CSMD1: variants seen among roughly 807,000 people sequenced by gnomAD.
CSMD1 encodes the protein CUB and Sushi multiple domains 1, also known as CUB and sushi domain-containing protein 1.
A neutral mutation model predicts 417.5 loss-of-function variants in CSMD1; 213 were observed. The observed-to-expected ratio is 0.51, with a 90% confidence interval of 0.46 to 0.57. The LOEUF (loss-of-function observed/expected upper bound fraction) is 0.57. Among genes scored for constraint, CSMD1 ranks in the 20% least tolerant of loss-of-function variants. The pLI, the probability that CSMD1 is intolerant of heterozygous loss-of-function variation, is 0.00. For missense variants in CSMD1, 6,923 were observed against 4,529.7 expected (o/e 1.53, Z -15.17); for synonymous variants, 2,862 against 1,736.8 (o/e 1.65, Z -16.11).
chr8:4,062,499 A>T (rs939254595), intron 3 of CSMD1, among the ~76,000 whole-genome samples: 1 of 152,188 alleles, frequency 6.6e-6, no homozygotes, highest in Middle Eastern at 3.2e-3. Flanking sequence ...AACAATAACC[A>T]TTCTAAGTGG....
At chr8:3,463,103 A>G (rs1467226628) in intron 12 of CSMD1, among the ~76,000 whole-genome samples, 1 of 152,166 alleles carries the variant, frequency 6.6e-6, no homozygotes, top group Non-Finnish European at 1.5e-5. Context: ...TGAGAGATAC[A>G]ATTCCATTGT....
At chr8:4,521,022 CCATCG>C (rs1803415974) in intron 2 of CSMD1, among the ~76,000 whole-genome samples, 1 of 152,104 alleles carries the variant, frequency 6.6e-6, no homozygotes, top group African/African-American at 2.4e-5. Flanking sequence ...GCTGTTTCAA[CCATCG>C]CATATAAAAT....
chr8:3,189,293 G>A (rs1179524433), intron 34 of CSMD1, among the ~76,000 whole-genome samples: 1 of 152,202 alleles, frequency 6.6e-6, no homozygotes, highest in Non-Finnish European at 1.5e-5. Flanking sequence ...CATCTCCAAA[G>A]TGAATTCTGT....
intron 1 of CSMD1, among the ~76,000 whole-genome samples, chr8:4,834,847 C>T (rs1306067854): frequency 3.5e-5 from 5 of 144,564 alleles, no homozygotes; most frequent in African/African-American, 5.1e-5. Context: ...ATCCCAGCTA[C>T]TTGGGAGGCT....
At chr8:3,728,312 T>C (rs899048516) in intron 6 of CSMD1, among the ~76,000 whole-genome samples, 1 of 152,106 alleles carries the variant, frequency 6.6e-6, no homozygotes, top group African/African-American at 2.4e-5. Context: ...TCTTCCACCA[T>C]GACTGTGAGG....
rs543970619 is a variant in CSMD1, at chr8:4,048,453, A to G, written c.416-16354T>C. 6.6e-5 allele frequency among the ~76,000 whole-genome samples: 10 copies of G among 152,328 alleles called. No homozygotes were observed. The East Asian group carries it at 1.9e-3, about 29-fold the overall frequency. ...TGAACTCTCCTATTTTCCCAACAAG[A>G]TTCTGCAGTAGCTACTATTATCCCC... On this transcript the variant is annotated intron_variant, in intron 3 of 69. Transcript: ENST00000635120.
intron 1 of CSMD1, among the ~76,000 whole-genome samples, chr8:4,744,994 A>G (rs973395777): frequency 3.3e-5 from 5 of 152,214 alleles, no homozygotes; most frequent in Non-Finnish European, 7.4e-5. Flanking sequence ...CACTTGTTTC[A>G]AACATCAACC....
chr8:4,080,476 C>G (rs753824959), intron 3 of CSMD1, among the ~76,000 whole-genome samples: 2 of 152,152 alleles, frequency 1.3e-5, no homozygotes, highest in African/African-American at 4.8e-5. Context: ...TTTTATTAAG[C>G]TCTCTGGGTT....
chr8:3,375,948 A>G (rs530708888), intron 18 of CSMD1, among the ~76,000 whole-genome samples: 5 of 152,276 alleles, frequency 3.3e-5, no homozygotes, highest in African/African-American at 1.2e-4. Flanking sequence ...TTAAAGATGT[A>G]TCTCCAAAAT....
chr8:3,527,520 G>C (rs531867863), intron 10 of CSMD1, among the ~76,000 whole-genome samples: 1 of 152,160 alleles, frequency 6.6e-6, no homozygotes, highest in African/African-American at 2.4e-5. Flanking sequence ...GAGGGAGCTG[G>C]GTGGTATCTC....
At chr8:3,361,651 C>CA (rs765648287) in intron 20 of CSMD1, among the ~76,000 whole-genome samples, 39,457 of 79,446 alleles carry the variant, frequency 0.5, 9,958 homozygotes, top group East Asian at 0.65. Context: ...GATTCCATCT[C>CA]AAAAAAAAAA....
At chr8:3,545,262 T>C (rs192580928) in intron 10 of CSMD1, among the ~76,000 whole-genome samples, 2 of 152,342 alleles carry the variant, frequency 1.3e-5, no homozygotes, top group East Asian at 1.9e-4. Flanking sequence ...TTTTCTGATT[T>C]AAAGAAGGAC....
chr8:3,911,915 G>A (rs1242412963), intron 5 of CSMD1, among the ~76,000 whole-genome samples: 10 of 152,146 alleles, frequency 6.6e-5, no homozygotes, highest in Admixed American at 5.9e-4. Context: ...ATTTTCCAAA[G>A]GATTCTCCTC....
intron 4 of CSMD1, among the ~76,000 whole-genome samples, chr8:4,004,512 G>C (rs1194823989): frequency 6.6e-6 from 1 of 150,938 alleles, no homozygotes; most frequent in Non-Finnish European, 1.5e-5. Flanking sequence ...GTTATATTCA[G>C]CAACAATGAA....
chr8:3,923,184 C>T (rs1166396457), intron 5 of CSMD1, among the ~76,000 whole-genome samples: 1 of 152,102 alleles, frequency 6.6e-6, no homozygotes, highest in Non-Finnish European at 1.5e-5. Flanking sequence ...CTCATCAGTG[C>T]ACTAATGAGT....
intron 26 of CSMD1, among the ~76,000 whole-genome samples, chr8:3,243,868 C>G (rs1343109970): frequency 4.0e-5 from 6 of 151,590 alleles, no homozygotes; most frequent in Non-Finnish European, 5.9e-5. Context: ...TTTGCTAAAA[C>G]AAAGTTGGGG....
chr8:3,553,574 C>A (rs10100964), intron 10 of CSMD1, among the ~76,000 whole-genome samples: 72,038 of 152,006 alleles, frequency 0.47, 17,547 homozygotes, highest in East Asian at 0.55. Flanking sequence ...TACAGCTCTA[C>A]CTTTTATCAG....
chr8:3,484,096 T>C (rs780580773), intron 11 of CSMD1, among the ~76,000 whole-genome samples: 7 of 152,190 alleles, frequency 4.6e-5, no homozygotes, highest in Non-Finnish European at 1.0e-4. Context: ...CTCTCAAACT[T>C]ATATAGATTG....
intron 1 of CSMD1, among the ~76,000 whole-genome samples, chr8:4,904,623 C>T (rs1323850027): frequency 6.6e-6 from 1 of 152,040 alleles, no homozygotes; most frequent in African/African-American, 2.4e-5. Context: ...CCAGGGAGCG[C>T]CCAACCATCC....
Sources: allele counts gnomAD v4.1 joint callset (sites outside exome capture counted in the v4.1 genomes callset), GRCh38; gene constraint gnomAD v4.1.1; transcripts MANE v1.5; gene names NCBI Gene and HGNC (gene_info 2026-07-23, HGNC 2026-07-21).